The following CDK17 variants were observed in gnomAD, a reference collection of about 807,000 sequenced individuals.
CDK17 encodes cyclin-dependent kinase 17.
Under a neutral mutation model 77.6 loss-of-function variants are expected in CDK17, and 24 were observed. The observed-to-expected ratio is 0.31, with a 90% CI of 0.22 to 0.44. CDK17 has a LOEUF of 0.44. Among genes scored for constraint, CDK17 ranks in the 20% least tolerant of loss-of-function variants. The probability of loss-of-function intolerance (pLI) is 1.00; values close to 1 mark genes in which losing one functional copy is unlikely to be tolerated. For missense variants in CDK17, 429 were observed against 622.5 expected (o/e 0.69, Z 3.31); for synonymous variants, 203 against 210.4 (o/e 0.96, Z 0.30).
In CDK17 at chr12:96,289,160, T is replaced by A. The variant is rs544941188; in HGVS notation, c.1118+7A>T. 3 of 1,613,460 alleles carry A rather than the reference T, an allele frequency of 1.9e-6. No homozygotes were observed. The East Asian group carries it at 6.7e-5, about 36-fold the overall frequency. On this transcript the variant is annotated splice_region_variant and intron_variant, in intron 11 of 16. Transcript: ENST00000261211. ...TATAAATGTCAGTGACATCTGTATA[T>A]ATTTACCACATGTCAATCTGTGTTG...
At chr12:96,312,118 A>T (rs2137106144) in intron 4 of CDK17, among the ~76,000 whole-genome samples, 1 of 152,164 alleles carries the variant, frequency 6.6e-6, no homozygotes, top group Non-Finnish European at 1.5e-5. Flanking sequence ...CTCTACAAAA[A>T]ATACAAAAAA....
intron 1 of CDK17, among the ~76,000 whole-genome samples, chr12:96,397,154 T>C (rs189313378): frequency 5.9e-5 from 9 of 152,338 alleles, no homozygotes; most frequent in African/African-American, 7.2e-5. Flanking sequence ...TGATTTTATA[T>C]GCCATCTAGT....
intron 5 of CDK17, among the ~76,000 whole-genome samples, chr12:96,302,223 T>C (rs1435331163): frequency 1.3e-5 from 2 of 152,120 alleles, no homozygotes; most frequent in Non-Finnish European, 2.9e-5. Context: ...ATTTTTAAAA[T>C]ACAAGTGAAG....
At chr12:96,310,516 A>T (rs1182594190) in intron 5 of CDK17, among the ~76,000 whole-genome samples, 2 of 152,074 alleles carry the variant, frequency 1.3e-5, no homozygotes, top group Non-Finnish European at 2.9e-5. Context: ...CATATGGGTA[A>T]AACTAATCTT....
At chr12:96,304,749 T>C (rs1174933773) in intron 5 of CDK17, among the ~76,000 whole-genome samples, 1 of 152,216 alleles carries the variant, frequency 6.6e-6, no homozygotes, top group Non-Finnish European at 1.5e-5. Flanking sequence ...ACCACCTTAA[T>C]CCTGTACTCC....
At position 96,332,189 on chromosome 12, in the gene CDK17, T is replaced by A. The variant is rs892763897; in HGVS notation, c.118+2530A>T. Among the ~76,000 whole-genome samples, 7 of 152,190 alleles carry A rather than the reference T, an allele frequency of 4.6e-5. No homozygotes were observed. The East Asian group carries it at 1.2e-3, about 25-fold the overall frequency. On this transcript the variant is annotated intron_variant, in intron 2 of 16. Coordinates refer to ENST00000261211, the MANE Select transcript of CDK17 (RefSeq NM_002595.5). ...CCTATAAGTAACAGGTTGTACCATG[T>A]AGGCTAGGTGTGTAGTAAGCTATAC...
rs186962123 is a variant in CDK17, at chr12:96,312,576, A to T, written c.417+745T>A. Reference sequence around the variant, plus strand: ...ATTAAGAAGAATCCTTTTATAATGAAAATATAATCAACCAATAGGAGAGAT... The same window carrying T: ...ATTAAGAAGAATCCTTTTATAATGATAATATAATCAACCAATAGGAGAGAT... On this transcript the variant is annotated intron_variant, in intron 4 of 16. Coordinates refer to ENST00000261211, the MANE Select transcript of CDK17 (RefSeq NM_002595.5). Among the ~76,000 whole-genome samples the T allele has an allele frequency of 5.0e-3, 765 of 152,324 alleles. 4 individuals carry two copies. Among genetic ancestry groups the T allele is most frequent in the Non-Finnish European group, 8.7e-3 (595 of 68,024 alleles).
chr12:96,376,213 T>C (rs766803391), intron 1 of CDK17, among the ~76,000 whole-genome samples: 3 of 152,158 alleles, frequency 2.0e-5, no homozygotes, highest in Non-Finnish European at 4.4e-5. Flanking sequence ...TAAACCAACA[T>C]CAGACTATTC....
intron 1 of CDK17, among the ~76,000 whole-genome samples, chr12:96,341,131 A>G (rs942602775): frequency 2.0e-5 from 3 of 152,178 alleles, no homozygotes; most frequent in Non-Finnish European, 4.4e-5. Flanking sequence ...CTTAGAATAA[A>G]TGGATGAATC....
intron 1 of CDK17, among the ~76,000 whole-genome samples, chr12:96,358,306 A>T (rs1283511427): frequency 6.7e-6 from 1 of 148,556 alleles, no homozygotes; most frequent in Non-Finnish European, 1.5e-5. Context: ...ACACACACAG[A>T]TATGCAGATT....
intron 5 of CDK17, among the ~76,000 whole-genome samples, chr12:96,302,748 T>C (rs1952525563): frequency 6.6e-6 from 1 of 152,178 alleles, no homozygotes; most frequent in Admixed American, 6.5e-5. Context: ...GTCCAATGGT[T>C]ACTATGACAA....
At chr12:96,334,191 A>AGC (rs1953009520) in intron 2 of CDK17, among the ~76,000 whole-genome samples, 1 of 152,206 alleles carries the variant, frequency 6.6e-6, no homozygotes, top group Non-Finnish European at 1.5e-5. Flanking sequence ...TTGAATATGT[A>AGC]GCCTTCCTCT....
At chr12:96,286,589 T>TTTTAA in intron 12 of CDK17, 75 bp downstream of exon 12, 1 of 981,752 alleles carries the variant, frequency 1.0e-6, no homozygotes, top group Non-Finnish European at 1.6e-6. Flanking sequence ...TTAAAATATG[T>TTTTAA]ATTTTAGAGA....
chr12:96,292,188 C>A (rs1360355563), intron 10 of CDK17, among the ~76,000 whole-genome samples: 1 of 152,088 alleles, frequency 6.6e-6, no homozygotes, highest in Non-Finnish European at 1.5e-5. Context: ...CTTCAAATGG[C>A]AAAGTATTAA....
intron 13 of CDK17, among the ~76,000 whole-genome samples, chr12:96,285,444 G>C (rs1040998718): frequency 6.6e-6 from 1 of 152,006 alleles, no homozygotes; most frequent in Non-Finnish European, 1.5e-5. Context: ...TCAAAATTTG[G>C]GGGGGTTGGG....
chr12:96,304,696 A>G (rs1952554677), intron 5 of CDK17, among the ~76,000 whole-genome samples: 1 of 152,222 alleles, frequency 6.6e-6, no homozygotes, highest in Non-Finnish European at 1.5e-5. Flanking sequence ...TATTCTACTC[A>G]GTCACTTTGT....
At chr12:96,303,641 C>T (rs982687784) in intron 5 of CDK17, 2 of 151,934 alleles carry the variant, frequency 1.3e-5, no homozygotes, top group African/African-American at 4.8e-5. Flanking sequence ...AATTCCTATT[C>T]AGATGGCTCT....
At chr12:96,309,949 A>C (rs1020298857) in intron 5 of CDK17, among the ~76,000 whole-genome samples, 1 of 152,240 alleles carries the variant, frequency 6.6e-6, no homozygotes, top group Non-Finnish European at 1.5e-5. Flanking sequence ...AGGGAAGCAG[A>C]ATATAATGCA....
At chr12:96,371,077 G>C (rs1953683412) in intron 1 of CDK17, among the ~76,000 whole-genome samples, 2 of 152,004 alleles carry the variant, frequency 1.3e-5, no homozygotes, top group African/African-American at 4.8e-5. Context: ...AACTCCTTAA[G>C]GAAAGAAACA....
Sources: allele counts gnomAD v4.1 joint callset (sites outside exome capture counted in the v4.1 genomes callset), GRCh38; gene constraint gnomAD v4.1.1; transcripts MANE v1.5; gene names NCBI Gene and HGNC (gene_info 2026-07-23, HGNC 2026-07-21).